FBXL7: variants seen among roughly 807,000 people sequenced by gnomAD.
FBXL7 encodes the protein F-box/LRR-repeat protein 7.
In FBXL7, 12 loss-of-function variants were observed where a neutral mutation model predicts 38.3. That is an observed-to-expected ratio of 0.31 (90% CI 0.20 to 0.51). The LOEUF is 0.51. Among genes scored for constraint, FBXL7 ranks in the 20% least tolerant of loss-of-function variants. The probability of loss-of-function intolerance (pLI) is 0.98; values close to 1 mark genes in which losing one functional copy is unlikely to be tolerated. For missense variants in FBXL7, 567 were observed against 676.4 expected (o/e 0.84, Z 1.79); for synonymous variants, 297 against 300.9 (o/e 0.99, Z 0.13).
At chr5:15,887,104 G>A (rs559400922) in intron 2 of FBXL7, among the ~76,000 whole-genome samples, 10 of 152,188 alleles carry the variant, frequency 6.6e-5, no homozygotes, top group South Asian at 2.1e-4. Context: ...TAAAAAAATC[G>A]TTTATATATG....
intron 1 of FBXL7, chr5:15,580,718 G>T (rs976397593): frequency 6.1e-6 from 6 of 985,386 alleles, no homozygotes; most frequent in Non-Finnish European, 7.2e-6. Flanking sequence ...AGGAAGGGAG[G>T]TGGTGAGCCT....
chr5:15,911,499 T>C (rs1052850409), intron 2 of FBXL7, among the ~76,000 whole-genome samples: 3 of 138,082 alleles, frequency 2.2e-5, no homozygotes, highest in Admixed American at 6.8e-5. Context: ...AGTAATTTGA[T>C]CGTCTGAAGC....
intron 2 of FBXL7, among the ~76,000 whole-genome samples, chr5:15,803,717 A>G (rs1475655864): frequency 6.6e-6 from 1 of 152,178 alleles, no homozygotes; most frequent in East Asian, 1.9e-4. Flanking sequence ...CTTTGGAAAT[A>G]ATTAGGGATG....
rs145235009 is a variant in FBXL7, at chr5:15,567,519, C to T, written c.38-48464C>T. Among the ~76,000 whole-genome samples, 38 of 151,998 alleles carry T rather than the reference C, an allele frequency of 2.5e-4. 1 individual carries two copies. In the East Asian group the frequency reaches 7.4e-3, roughly 29 times the overall value. On this transcript the variant is annotated intron_variant, in intron 1 of 3. Transcript: ENST00000504595. ...TGCTTGCACATCAGCATTCAGTGACCGTTACTTGGGAATCTAGATAATTTT... is the reference window on the plus strand; with the variant it reads ...TGCTTGCACATCAGCATTCAGTGACTGTTACTTGGGAATCTAGATAATTTT...
At chr5:15,561,513 G>T (rs1738416335) in intron 1 of FBXL7, among the ~76,000 whole-genome samples, 1 of 152,096 alleles carries the variant, frequency 6.6e-6, no homozygotes, top group Admixed American at 6.6e-5. Flanking sequence ...CAATAATGCT[G>T]CAATGAACAT....
intron 2 of FBXL7, among the ~76,000 whole-genome samples, chr5:15,828,721 G>A (rs1370504023): frequency 1.3e-5 from 2 of 152,190 alleles, no homozygotes; most frequent in African/African-American, 4.8e-5. Context: ...AGGACTTTTA[G>A]GTTTAGTCTC....
At chr5:15,778,185 G>T (rs1736905972) in intron 2 of FBXL7, among the ~76,000 whole-genome samples, 2 of 151,852 alleles carry the variant, frequency 1.3e-5, no homozygotes, top group South Asian at 4.1e-4. Flanking sequence ...CTATAATAAG[G>T]TATCATCAAA....
chr5:15,881,111 T>C lies in FBXL7; in HGVS notation c.128-46779T>C, dbSNP rs6888951. ...ACATGAATAAGTTCTTTAGTGGTGA[T>C]TTCTGAGATTTTGGTGCACCCATCA... On this transcript the variant is annotated intron_variant, in intron 2 of 3. Coordinates refer to ENST00000504595, the MANE Select transcript of FBXL7 (RefSeq NM_012304.5). 3.6e-3 allele frequency among the ~76,000 whole-genome samples: 543 copies of C among 152,272 alleles called. 4 individuals are homozygous for C. The highest frequency in any genetic ancestry group is 0.013 in the African/African-American group (524 of 41,554).
chr5:15,783,279 G>T (rs1238272064), intron 2 of FBXL7, among the ~76,000 whole-genome samples: 5 of 152,184 alleles, frequency 3.3e-5, no homozygotes, highest in Non-Finnish European at 7.3e-5. Flanking sequence ...ATAATTTCCG[G>T]CAAGTGCACT....
At position 15,686,070 on chromosome 5, in the gene FBXL7, G is replaced by A. The variant is rs142098943; in HGVS notation, c.127+69998G>A. Among the ~76,000 whole-genome samples, 4 of 152,214 alleles carry A rather than the reference G, an allele frequency of 2.6e-5. No homozygotes were observed. The East Asian group carries it at 5.8e-4, about 22-fold the overall frequency. On this transcript the variant is annotated intron_variant, in intron 2 of 3. Transcript: ENST00000504595. Reference sequence around the variant, plus strand: ...GTTTTTCAGAAATGCCTTTATGAGAGGTTTGGACTTCAGGGTCTATGCACT... The same window carrying A: ...GTTTTTCAGAAATGCCTTTATGAGAAGTTTGGACTTCAGGGTCTATGCACT...
intron 2 of FBXL7, among the ~76,000 whole-genome samples, chr5:15,845,656 T>TTG (rs1473630023): frequency 1.3e-5 from 2 of 152,200 alleles, no homozygotes. Context: ...AAATCAAAGA[T>TTG]TATTTATTAC....
intron 2 of FBXL7, among the ~76,000 whole-genome samples, chr5:15,682,309 C>G (rs1220416361): frequency 6.6e-6 from 1 of 152,144 alleles, no homozygotes; most frequent in Non-Finnish European, 1.5e-5. Context: ...ATTCCATTGG[C>G]CAGATCTCAA....
Position 15,928,056 on chromosome 5 carries a change from C to T in FBXL7, c.294C>T (p.His98=), listed in dbSNP as rs1481361848. Residue 98 remains histidine, a synonymous_variant, in exon 3 of 4, where the codon CAC becomes CAT. Coordinates refer to ENST00000504595, the MANE Select transcript of FBXL7 (RefSeq NM_012304.5). This position sits in a 1 kb window ranked among gnomAD's most constrained non-coding sequence, Gnocchi z 4.0. ...CCCCGCCCCCGACCCGCCTCACACA[C>T]CCGCTCATCCGGCTCGCCTCCAGAC... ...VHSPPPTRLT[H]PLIRLASRPQ... 1 of 1,415,124 alleles carries T rather than the reference C, an allele frequency of 7.1e-7. No homozygotes were observed. Among genetic ancestry groups the T allele is most frequent in the East Asian group, 3.0e-5 (1 of 32,888 alleles). The allele number at this position is 1,415,124 out of a possible 1,614,324, so 87.7% of individuals were successfully genotyped here.
At chr5:15,749,184 G>T (rs1200111665) in intron 2 of FBXL7, among the ~76,000 whole-genome samples, 1 of 142,436 alleles carries the variant, frequency 7.0e-6, no homozygotes. Context: ...GACAGAGGTT[G>T]CAGTGAGCAG....
chr5:15,817,944 A>G (rs1738064531), intron 2 of FBXL7, among the ~76,000 whole-genome samples: 1 of 152,186 alleles, frequency 6.6e-6, no homozygotes, highest in African/African-American at 2.4e-5. Flanking sequence ...CATACAAGAT[A>G]GAGTCACCTA....
At chr5:15,885,458 C>T (rs1740637905) in intron 2 of FBXL7, among the ~76,000 whole-genome samples, 1 of 152,216 alleles carries the variant, frequency 6.6e-6, no homozygotes, top group Admixed American at 6.5e-5. Context: ...TGTGATTACA[C>T]AAGTATATAA....
chr5:15,534,129 A>C (rs1032276623), intron 1 of FBXL7, among the ~76,000 whole-genome samples: 5 of 152,058 alleles, frequency 3.3e-5, no homozygotes, highest in African/African-American at 1.2e-4. Flanking sequence ...ACACCCCCCC[A>C]CCAGAGTGGT....
At chr5:15,594,721 G>A (rs557781292) in intron 1 of FBXL7, among the ~76,000 whole-genome samples, 5 of 152,318 alleles carry the variant, frequency 3.3e-5, no homozygotes, top group African/African-American at 9.6e-5. Flanking sequence ...TTATAGACTG[G>A]CTCTTTGCGT....
At chr5:15,934,182 T>A (rs548078888) in intron 3 of FBXL7, among the ~76,000 whole-genome samples, 3 of 152,282 alleles carry the variant, frequency 2.0e-5, no homozygotes, top group East Asian at 3.9e-4. Context: ...TTTTTGTGTT[T>A]TTAGTAGAGA....
Sources: gnomAD v4.1 joint callset for allele counts (sites outside exome capture counted in the v4.1 genomes callset) on GRCh38, gnomAD v4.1.1 for gene constraint, Gnocchi (gnomAD v3.1) non-coding constraint, MANE v1.5 for transcripts, NCBI Gene and HGNC (gene_info 2026-07-23, HGNC 2026-07-21) for gene names.